The following PCSK5 variants were observed in gnomAD, a reference collection of about 807,000 sequenced individuals.
PCSK5 encodes prohormone convertase 5.
A neutral mutation model predicts 233.2 loss-of-function variants in PCSK5; 129 were observed. That is an observed-to-expected ratio of 0.55 (90% CI 0.48 to 0.64). The LOEUF (loss-of-function observed/expected upper bound fraction) is 0.64. Ranked by LOEUF, PCSK5 falls within the 30% of genes least tolerant of loss-of-function variation. PCSK5 has a pLI of 0.00. For synonymous variants in PCSK5, 825 were observed against 879.2 expected, an observed-to-expected ratio of 0.94 and a Z score of 1.09; for missense variants, 2,076 against 2,430.1, an observed-to-expected ratio of 0.85 and a Z score of 3.06.
At chr9:75,929,524 G>A (rs566018453) in intron 1 of PCSK5, among the ~76,000 whole-genome samples, 3 of 151,858 alleles carry the variant, frequency 2.0e-5, no homozygotes, top group Non-Finnish European at 4.4e-5. Flanking sequence ...CAAACTATGA[G>A]GAAGAGGAGT....
intron 20 of PCSK5, among the ~76,000 whole-genome samples, chr9:76,201,544 G>A (rs1022861019): frequency 6.6e-6 from 1 of 152,184 alleles, no homozygotes; most frequent in African/African-American, 2.4e-5. Flanking sequence ...CAAGCTTCAC[G>A]CTATGATTGT....
intron 1 of PCSK5, among the ~76,000 whole-genome samples, chr9:75,918,470 C>G (rs1432914818): frequency 2.0e-5 from 3 of 152,202 alleles, no homozygotes; most frequent in African/African-American, 7.2e-5. Flanking sequence ...ACTTTGAGAG[C>G]CACTGATTTA....
intron 17 of PCSK5, 36 bp from the exon 18 acceptor site, chr9:76,188,542 A>G: frequency 7.0e-7 from 1 of 1,423,772 alleles, no homozygotes. Context: ...CCTCATCACA[A>G]CAGTCTGTTT....
intron 9 of PCSK5, among the ~76,000 whole-genome samples, chr9:76,108,729 G>A: frequency 6.6e-6 from 1 of 152,182 alleles, no homozygotes; most frequent in Non-Finnish European, 1.5e-5. Flanking sequence ...CTCCAGCCTG[G>A]TGACAGAGCC....
chr9:75,981,221 A>C (rs1021146326), intron 2 of PCSK5, among the ~76,000 whole-genome samples: 1 of 152,196 alleles, frequency 6.6e-6, no homozygotes, highest in African/African-American at 2.4e-5. Flanking sequence ...GTTTTTAACG[A>C]AATGTTTATT....
intron 20 of PCSK5, among the ~76,000 whole-genome samples, chr9:76,217,740 A>G (rs1825586978): frequency 6.6e-6 from 1 of 152,210 alleles, no homozygotes; most frequent in Admixed American, 6.5e-5. Context: ...CATCCTCTCT[A>G]CTGTGGAACC....
chr9:76,337,474 A>G (rs558946153), intron 34 of PCSK5, among the ~76,000 whole-genome samples: 1 of 151,150 alleles, frequency 6.6e-6, no homozygotes, highest in Non-Finnish European at 1.5e-5. Context: ...GTACCTGGCC[A>G]GATGGATCTC....
At chr9:76,230,628 C>T (rs1322416298) in intron 21 of PCSK5, among the ~76,000 whole-genome samples, 2 of 152,156 alleles carry the variant, frequency 1.3e-5, no homozygotes, top group Non-Finnish European at 2.9e-5. Flanking sequence ...AGTGAAGCCT[C>T]GTCTGTATTT....
Position 75,891,063 on chromosome 9 carries a change from T to TGCGAGCTGCGGCGGCCCGGGGCC in PCSK5, c.-97_-96insCGCGAGCTGCGGCGGCCCGGGGC. ...CCGCCTCCTGCCGATCGCCCGGGGC[T>TGCGAGCTGCGGCGGCCCGGGGCC]GCGAGCTGCGGCGGCCCGGGGCTGC... On this transcript the variant is annotated 5_prime_UTR_variant, in exon 1 of 38. Transcript: ENST00000674117. The TGCGAGCTGCGGCGGCCCGGGGCC allele has an allele frequency of 1.1e-6, 1 of 943,762 alleles. No homozygotes were observed. Among genetic ancestry groups the TGCGAGCTGCGGCGGCCCGGGGCC allele is most frequent in the Non-Finnish European group, 1.4e-6 (1 of 697,788 alleles). The allele number at this position is 943,762 out of a possible 1,614,324, so 58.5% of individuals were successfully genotyped here.
rs553552711 is a variant in PCSK5 at position 76,034,273 on chromosome 9, C to T, written c.632+7236C>T. ...CCTTAGACACAAACCCCCAGCCACC[C>T]ACAGTAGCCACTATGTTTATTCCCC... On this transcript the variant is annotated intron_variant, in intron 5 of 37. Coordinates refer to ENST00000674117, the MANE Select transcript of PCSK5 (RefSeq NM_001372043.1). 2.9e-3 allele frequency among the ~76,000 whole-genome samples: 449 copies of T among 152,216 alleles called. 2 individuals are homozygous for T. The highest frequency in any genetic ancestry group is 0.011 in the African/African-American group (440 of 41,522).
Position 76,068,035 on chromosome 9 carries a change from A to G in PCSK5, c.713A>G (p.Lys238Arg). The G allele has an allele frequency of 1.2e-6, 2 of 1,613,296 alleles. No homozygotes were observed. Among genetic ancestry groups the G allele is most frequent in the Non-Finnish European group, 1.7e-6 (2 of 1,179,222 alleles). ...ACAGTCGGAATTGCTTTCAACGCCA[A>G]GATCGGAGGTATGGGAAACCAACTC... ...HCTVGIAFNA[K>R]IGGVRMLDGD... Residue 238 changes from lysine to arginine, a missense_variant, in exon 6 of 38, where the codon AAG becomes AGG. Physicochemically the swap from Lys to Arg is conservative, Grantham distance 26. Coordinates refer to ENST00000674117, the MANE Select transcript of PCSK5 (RefSeq NM_001372043.1).
chr9:76,126,663 T>C (rs1244251692), intron 9 of PCSK5, among the ~76,000 whole-genome samples: 1 of 152,136 alleles, frequency 6.6e-6, no homozygotes, highest in Non-Finnish European at 1.5e-5. Flanking sequence ...GAGACTGTTA[T>C]CTTAAGTGAA....
intron 2 of PCSK5, among the ~76,000 whole-genome samples, chr9:75,948,953 AG>A (rs1265646706): frequency 6.6e-6 from 1 of 151,986 alleles, no homozygotes; most frequent in Non-Finnish European, 1.5e-5. Context: ...CTGCCCTCAT[AG>A]CACTTACTAT....
intron 15 of PCSK5, 98 bp from the exon 16 acceptor site, chr9:76,181,300 G>T: frequency 1.0e-6 from 1 of 979,610 alleles, no homozygotes; most frequent in Non-Finnish European, 1.5e-6. Context: ...AAAGTGATTT[G>T]GAAGCTGAGC....
chr9:75,903,814 C>G (rs1826156718), intron 1 of PCSK5, among the ~76,000 whole-genome samples: 1 of 151,232 alleles, frequency 6.6e-6, no homozygotes, highest in Non-Finnish European at 1.5e-5. Context: ...GAATACAGAG[C>G]AGGGAGGGGA....
chr9:76,077,694 A>G (rs1013921517), intron 7 of PCSK5, among the ~76,000 whole-genome samples: 1 of 152,170 alleles, frequency 6.6e-6, no homozygotes, highest in Non-Finnish European at 1.5e-5. Flanking sequence ...GCTTAGGATA[A>G]TAGCCTCCAA....
At chr9:76,064,540 GGCT>G (rs1352722247) in intron 5 of PCSK5, among the ~76,000 whole-genome samples, 2 of 150,234 alleles carry the variant, frequency 1.3e-5, no homozygotes, top group East Asian at 4.0e-4. Flanking sequence ...CGGACGGGGT[GGCT>G]GCCGGGCGGA....
chr9:76,135,982 A>C (rs1822955990), intron 10 of PCSK5, among the ~76,000 whole-genome samples: 1 of 152,170 alleles, frequency 6.6e-6, no homozygotes, highest in East Asian at 1.9e-4. Flanking sequence ...CCAGACCCAA[A>C]CCTGAATCTA....
chr9:76,275,586 G>A (rs991706489), intron 24 of PCSK5, among the ~76,000 whole-genome samples: 2 of 152,004 alleles, frequency 1.3e-5, no homozygotes, highest in Admixed American at 1.3e-4. Flanking sequence ...CACCACACCT[G>A]GCTAATTTTT....
Sources: gnomAD v4.1 joint callset for allele counts (sites outside exome capture counted in the v4.1 genomes callset) on GRCh38, gnomAD v4.1.1 for gene constraint, MANE v1.5 for transcripts, NCBI Gene and HGNC (gene_info 2026-07-23, HGNC 2026-07-21) for gene names.